Variants in PLAAT3 observed in about 807,000 individuals in gnomAD.
PLAAT3 encodes phospholipase A and acyltransferase 3, also known as Ca-independent phospholipase A1/2.
In PLAAT3, 21 loss-of-function variants were observed where a neutral mutation model predicts 16.7. That is an observed-to-expected ratio of 1.26 (90% CI 0.89 to 1.81). PLAAT3 has a LOEUF of 1.81. PLAAT3 is among the 40% of genes most tolerant of loss of function. The pLI, the probability that PLAAT3 is intolerant of heterozygous loss-of-function variation, is 0.00. For missense variants in PLAAT3, 219 were observed against 213.7 expected (o/e 1.02, Z -0.16); for synonymous variants, 76 against 81.7 (o/e 0.93, Z 0.38).
intron 4 of PLAAT3, among the ~76,000 whole-genome samples, chr11:63,575,471 C>T (rs147984803): frequency 8.7e-4 from 133 of 152,322 alleles, no homozygotes; most frequent in Middle Eastern, 3.4e-3. Flanking sequence ...AGGAACTCGG[C>T]TGTCTTGTTC....
At chr11:63,597,999 C>T in intron 3 of PLAAT3, 62 bp downstream of exon 3, 1 of 1,088,094 alleles carries the variant, frequency 9.2e-7, no homozygotes, top group Non-Finnish European at 1.4e-6. Context: ...ACCCACAGTT[C>T]CCCATCCCCT....
upstream of PLAAT3, among the ~76,000 whole-genome samples, chr11:63,615,262 A>C (rs796204625): frequency 0.032 from 797 of 24,848 alleles, 136 homozygotes; most frequent in East Asian, 0.44. Context: ...GTGTATATAT[A>C]TGTGTGTATA....
intron 4 of PLAAT3, among the ~76,000 whole-genome samples, chr11:63,579,934 C>A (rs1184429893): frequency 6.7e-6 from 1 of 148,760 alleles, no homozygotes; most frequent in Non-Finnish European, 1.5e-5. Flanking sequence ...TGAAGTGAAA[C>A]CATTTCCAAC....
Position 63,598,010 on chromosome 11 carries a change from C to G in PLAAT3, c.118+51G>C, listed in dbSNP as rs150138244. 2.3e-5 allele frequency: 29 copies of G among 1,248,432 alleles called. No individual in the cohort carries two copies. The East Asian group carries it at 4.6e-4, about 20-fold the overall frequency. 77.3% of individuals were successfully genotyped at this position (1,248,432 alleles called of 1,614,324 possible). ...TGTTACCCACAGTTCCCCATCCCCT[C>G]TCTTCCCAGCCCCTGGGGCCCATCA... On this transcript the variant is annotated intron_variant, in intron 3 of 4. Coordinates refer to ENST00000415826, the MANE Select transcript of PLAAT3 (RefSeq NM_001128203.2).
chr11:63,613,964 C>T, intron 2 of PLAAT3, 36 bp downstream of exon 2: 1 of 1,314,410 alleles, frequency 7.6e-7, no homozygotes, highest in Non-Finnish European at 1.1e-6. Flanking sequence ...CAGGGGGCTC[C>T]CAGCCCCGCC....
chr11:63,591,803 G>A (rs920085485), intron 3 of PLAAT3, among the ~76,000 whole-genome samples: 1 of 152,234 alleles, frequency 6.6e-6, no homozygotes, highest in Non-Finnish European at 1.5e-5. Context: ...TTGTCGGGAG[G>A]ATGAGCTCCT....
chr11:63,612,471 G>T (rs1173637113), intron 2 of PLAAT3, among the ~76,000 whole-genome samples: 1 of 152,172 alleles, frequency 6.6e-6, no homozygotes, highest in Non-Finnish European at 1.5e-5. Context: ...CTTTTCCTTT[G>T]TCTCTCTAGT....
chr11:63,600,896 G>T (rs907388585), intron 2 of PLAAT3, among the ~76,000 whole-genome samples: 1 of 151,672 alleles, frequency 6.6e-6, no homozygotes, highest in Non-Finnish European at 1.5e-5. Context: ...GAGCCACCAC[G>T]CCCGGCCTAC....
chr11:63,614,440 C>A, upstream of PLAAT3: 1 of 170,080 alleles, frequency 5.9e-6, no homozygotes, highest in South Asian at 1.9e-4. Flanking sequence ...GTCTAATGGC[C>A]GCGGTGGCCG....
At chr11:63,600,896 G>A (rs907388585) in intron 2 of PLAAT3, among the ~76,000 whole-genome samples, 6 of 151,672 alleles carry the variant, frequency 4.0e-5, no homozygotes, top group Non-Finnish European at 7.4e-5. Context: ...GAGCCACCAC[G>A]CCCGGCCTAC....
chr11:63,596,427 G>A (rs1157996326), intron 3 of PLAAT3, among the ~76,000 whole-genome samples: 1 of 151,820 alleles, frequency 6.6e-6, no homozygotes, highest in African/African-American at 2.4e-5. Flanking sequence ...TCGGCAGTGG[G>A]GAGGGATGGT....
At chr11:63,609,338 G>T (rs566124842) in intron 2 of PLAAT3, among the ~76,000 whole-genome samples, 4 of 152,320 alleles carry the variant, frequency 2.6e-5, no homozygotes, top group African/African-American at 9.6e-5. Context: ...TAAGAAGCTA[G>T]GTCTCTATTT....
intron 2 of PLAAT3, among the ~76,000 whole-genome samples, chr11:63,611,146 C>G (rs1938682511): frequency 6.6e-6 from 1 of 152,038 alleles, no homozygotes; most frequent in Admixed American, 6.6e-5. Context: ...CTCGCTCTGT[C>G]ACCCAGGCTG....
intron 4 of PLAAT3, 37 bp downstream of exon 4, chr11:63,590,063 T>C: frequency 6.3e-7 from 1 of 1,599,422 alleles, no homozygotes; most frequent in Non-Finnish European, 8.5e-7. Flanking sequence ...GGGAATGGTC[T>C]GGTTCCTGGG....
intron 4 of PLAAT3, among the ~76,000 whole-genome samples, chr11:63,580,212 G>A (rs1259779043): frequency 6.6e-6 from 1 of 152,156 alleles, no homozygotes. Flanking sequence ...CTTAGTACCA[G>A]GTGTAAAGAA....
intron 3 of PLAAT3, among the ~76,000 whole-genome samples, chr11:63,591,469 C>T (rs1350434323): frequency 2.0e-5 from 3 of 152,168 alleles, no homozygotes; most frequent in Non-Finnish European, 2.9e-5. Context: ...TTCACTCTCA[C>T]TCTCCTCAAA....
At chr11:63,610,572 C>T (rs1938667738) in intron 2 of PLAAT3, among the ~76,000 whole-genome samples, 1 of 152,190 alleles carries the variant, frequency 6.6e-6, no homozygotes, top group African/African-American at 2.4e-5. Context: ...GGCCTGAAGC[C>T]CCAACTGCTA....
chr11:63,597,368 C>T (rs1208354447), intron 3 of PLAAT3, among the ~76,000 whole-genome samples: 1 of 151,544 alleles, frequency 6.6e-6, no homozygotes, highest in African/African-American at 2.4e-5. Context: ...ACTAAAAATA[C>T]AAAAAATTAG....
At chr11:63,607,242 C>T (rs1226973895) in intron 2 of PLAAT3, among the ~76,000 whole-genome samples, 2 of 152,084 alleles carry the variant, frequency 1.3e-5, no homozygotes, top group African/African-American at 4.8e-5. Flanking sequence ...GGTATCCCAA[C>T]GAGAGGCGGG....
Sources: allele counts gnomAD v4.1 joint callset (sites outside exome capture counted in the v4.1 genomes callset), GRCh38; gene constraint gnomAD v4.1.1; transcripts MANE v1.5; gene names NCBI Gene and HGNC (gene_info 2026-07-23, HGNC 2026-07-21).